ANP32A: variants seen among roughly 807,000 people sequenced by gnomAD.
The protein encoded by ANP32A is acidic leucine-rich nuclear phosphoprotein 32 family member A.
Under a neutral mutation model 33.9 loss-of-function variants are expected in ANP32A, and 1 was observed. The observed-to-expected ratio is 0.03, with a 90% confidence interval of 0.01 to 0.14. The LOEUF (loss-of-function observed/expected upper bound fraction) is 0.14. Ranked by LOEUF, ANP32A falls within the 10% of genes least tolerant of loss-of-function variation. The probability of loss-of-function intolerance (pLI) is 1.00; values close to 1 mark genes in which losing one functional copy is unlikely to be tolerated. For synonymous variants in ANP32A, 115 were observed against 120.5 expected (o/e 0.95, Z 0.30); for missense variants, 155 against 306.0 (o/e 0.51, Z 3.68).
At chr15:68,782,549 G>A (rs1893882521) in intron 5 of ANP32A, among the ~76,000 whole-genome samples, 1 of 152,194 alleles carries the variant, frequency 6.6e-6, no homozygotes, top group African/African-American at 2.4e-5. Flanking sequence ...ATCCAGCAGT[G>A]TTATCCTGCT....
chr15:68,806,512 C>A (rs549841589), intron 1 of ANP32A, among the ~76,000 whole-genome samples: 1 of 152,342 alleles, frequency 6.6e-6, no homozygotes, highest in South Asian at 2.1e-4. Context: ...GGGCTCTCCT[C>A]TAGAAGCCTT....
At chr15:68,806,265 G>A (rs1162212928) in intron 1 of ANP32A, among the ~76,000 whole-genome samples, 1 of 152,162 alleles carries the variant, frequency 6.6e-6, no homozygotes, top group African/African-American at 2.4e-5. Flanking sequence ...CTCAGACCAA[G>A]ATGCACATCT....
chr15:68,807,368 G>A (rs373841710), intron 1 of ANP32A, among the ~76,000 whole-genome samples: 47 of 152,092 alleles, frequency 3.1e-4, no homozygotes, highest in African/African-American at 1.0e-3. Flanking sequence ...GAAGAGGCCC[G>A]GGGCAAGGGG....
intron 1 of ANP32A, among the ~76,000 whole-genome samples, chr15:68,808,899 G>A (rs549004325): frequency 4.6e-4 from 70 of 152,234 alleles, no homozygotes; most frequent in African/African-American, 1.3e-3. Flanking sequence ...CACACTCTGC[G>A]GGCCTCTCTC....
chr15:68,796,612 C>T (rs1277426908), intron 1 of ANP32A, among the ~76,000 whole-genome samples: 1 of 152,168 alleles, frequency 6.6e-6, no homozygotes, highest in African/African-American at 2.4e-5. Flanking sequence ...GAGGTAGGCA[C>T]TGGAAGCAGA....
rs1894466766 is a variant in ANP32A at position 68,820,892 on chromosome 15, C to G, written c.-141G>C. On this transcript the variant is annotated 5_prime_UTR_variant, in exon 1 of 7. Transcript: ENST00000465139. ...TCGAGCCCCCAGCACCCGCGGCGCA[C>G]ACTAACCTGATCGCCGTGGAGGCGG... 3.0e-6 allele frequency: 3 copies of G among 1,007,000 alleles called. No individual in the cohort carries two copies. Among genetic ancestry groups the G allele is most frequent in the Non-Finnish European group, 4.4e-6 (3 of 676,382 alleles). The allele number at this position is 1,007,000 out of a possible 1,614,324, so 62.4% of individuals were successfully genotyped here.
At chr15:68,785,811 G>A (rs1014805057) in intron 3 of ANP32A, among the ~76,000 whole-genome samples, 1 of 152,130 alleles carries the variant, frequency 6.6e-6, no homozygotes, top group African/African-American at 2.4e-5. Context: ...GTTTTACAAG[G>A]ATTTTATATA....
At chr15:68,789,145 C>T (rs1292258275) in intron 1 of ANP32A, 2 of 152,312 alleles carry the variant, frequency 1.3e-5, no homozygotes, top group Non-Finnish European at 2.9e-5. Flanking sequence ...TGGAAGACAC[C>T]TTAAATGTGA....
chr15:68,810,039 G>A (rs148074091), intron 1 of ANP32A, among the ~76,000 whole-genome samples: 1 of 152,330 alleles, frequency 6.6e-6, no homozygotes, highest in African/African-American at 2.4e-5. Flanking sequence ...TGACGGAGGA[G>A]GCTGGAGATG....
Position 68,780,628 on chromosome 15 carries a change from C to T in ANP32A, c.625-155G>A. ...TCGGGAGGAATGTAAAGCAGAGGTT[C>T]TTAATTTATTTCAGATCAAGGACTC... On this transcript the variant is annotated intron_variant, in intron 5 of 6. Transcript: ENST00000465139. The surrounding 1 kb of genome is among the most constrained non-coding windows in gnomAD (Gnocchi z 4.3). The T allele has an allele frequency of 2.3e-6, 3 of 1,307,938 alleles. No homozygotes were observed. Among genetic ancestry groups the T allele is most frequent in the Non-Finnish European group, 3.0e-6 (3 of 987,176 alleles). The allele number at this position is 1,307,938 out of a possible 1,614,324, so 81.0% of individuals were successfully genotyped here.
chr15:68,779,640 C>T lies in ANP32A; in HGVS notation c.*441G>A, dbSNP rs1893838911. 1 of 160,528 alleles carries T rather than the reference C, an allele frequency of 6.2e-6. No individual in the cohort carries two copies. The highest frequency in any genetic ancestry group is 2.4e-5 in the African/African-American group (1 of 41,610). The allele number at this position is 160,528 out of a possible 1,614,324, so 9.9% of individuals were successfully genotyped here. The stretch of plus-strand genomic sequence containing the variant: ...GCAGGTATCATCATGTGAACCAAAG[C>T]AAAAGATATGGCTGGTGCTCAGCCC... On this transcript the variant is annotated 3_prime_UTR_variant, in exon 7 of 7. Coordinates refer to ENST00000465139, the MANE Select transcript of ANP32A (RefSeq NM_006305.4).
At chr15:68,807,546 A>G (rs1226648673) in intron 1 of ANP32A, among the ~76,000 whole-genome samples, 1 of 149,376 alleles carries the variant, frequency 6.7e-6, no homozygotes. Context: ...ACTTGCTCCC[A>G]CCCCAGCAAG....
At chr15:68,812,009 G>A (rs1007615315) in intron 1 of ANP32A, among the ~76,000 whole-genome samples, 2 of 149,282 alleles carry the variant, frequency 1.3e-5, no homozygotes, top group African/African-American at 5.0e-5. Context: ...AAGTACAGGC[G>A]TGAGCCACTG....
chr15:68,815,824 T>G (rs1450550403), intron 1 of ANP32A, among the ~76,000 whole-genome samples: 1 of 152,228 alleles, frequency 6.6e-6, no homozygotes, highest in Non-Finnish European at 1.5e-5. Flanking sequence ...GGGGTGGCAT[T>G]GCACTGCTTG....
At chr15:68,786,475 G>C (rs908979298) in intron 3 of ANP32A, among the ~76,000 whole-genome samples, 5 of 152,134 alleles carry the variant, frequency 3.3e-5, no homozygotes, top group East Asian at 3.9e-4. Context: ...GGCCAGGCTG[G>C]TCTCAAACTC....
chr15:68,798,327 G>GC (rs778617140), intron 1 of ANP32A, among the ~76,000 whole-genome samples: 82 of 152,312 alleles, frequency 5.4e-4, no homozygotes, highest in Middle Eastern at 6.8e-3. Context: ...CCAGCCCCCA[G>GC]CATAACCCAT....
At position 68,798,175 on chromosome 15, in the gene ANP32A, C is replaced by G. The variant is rs140731218; in HGVS notation, c.55-10256G>C. 7.2e-5 allele frequency among the ~76,000 whole-genome samples: 11 copies of G among 152,348 alleles called. No individual in the cohort carries two copies. In the East Asian group the frequency reaches 2.1e-3, roughly 29 times the overall value. ...GCTTAGGAAATCCCACTGGAGTCTT[C>G]AGGGAGCAGCCCAGGGTTTCTGCCT... On this transcript the variant is annotated intron_variant, in intron 1 of 6. Coordinates refer to ENST00000465139, the MANE Select transcript of ANP32A (RefSeq NM_006305.4).
chr15:68,815,917 G>A (rs1894374017), intron 1 of ANP32A, among the ~76,000 whole-genome samples: 2 of 152,198 alleles, frequency 1.3e-5, no homozygotes, highest in Admixed American at 6.5e-5. Flanking sequence ...AGATACTAAA[G>A]ACATGCCAGT....
At chr15:68,818,005 C>T (rs565404698) in intron 1 of ANP32A, among the ~76,000 whole-genome samples, 55 of 152,280 alleles carry the variant, frequency 3.6e-4, no homozygotes, top group Non-Finnish European at 6.0e-4. Context: ...CGGCGCCCTT[C>T]GGGCTCAGCC....
Sources: allele counts gnomAD v4.1 joint callset (sites outside exome capture counted in the v4.1 genomes callset), GRCh38; gene constraint gnomAD v4.1.1; non-coding constraint Gnocchi (gnomAD v3.1); transcripts MANE v1.5; gene names NCBI Gene and HGNC (gene_info 2026-07-23, HGNC 2026-07-21).